Variants in TSNARE1 observed in about 807,000 individuals in gnomAD.
TSNARE1 encodes t-SNARE domain-containing protein 1.
TSNARE1 carries 49 observed loss-of-function variants against 62.0 expected under a neutral mutation model. The observed-to-expected ratio is 0.79, with a 90% confidence interval of 0.63 to 1.00. TSNARE1 has a LOEUF of 1.00. TSNARE1 is among the 50% of genes least tolerant of loss of function. The pLI, the probability that TSNARE1 is intolerant of heterozygous loss-of-function variation, is 0.00. For synonymous variants in TSNARE1, 328 were observed against 294.4 expected, an observed-to-expected ratio of 1.11 and a Z score of -1.17; for missense variants, 755 against 700.1, an observed-to-expected ratio of 1.08 and a Z score of -0.88.
intron 9 of TSNARE1, among the ~76,000 whole-genome samples, chr8:142,301,758 G>A (rs1000043991): frequency 2.0e-5 from 3 of 150,954 alleles, no homozygotes; most frequent in Non-Finnish European, 4.4e-5. Flanking sequence ...GGCCTCACCA[G>A]GAGCACCTGC....
At chr8:142,391,037 G>A (rs1361875684) in intron 1 of TSNARE1, among the ~76,000 whole-genome samples, 24 of 120,348 alleles carry the variant, frequency 2.0e-4, no homozygotes, top group South Asian at 6.0e-4. Context: ...TGTACACTGC[G>A]GGGGACTCTG....
At chr8:142,323,107 G>C (rs761048428) in intron 6 of TSNARE1, among the ~76,000 whole-genome samples, 1 of 152,166 alleles carries the variant, frequency 6.6e-6, no homozygotes, top group South Asian at 2.1e-4. Context: ...GGCTGATGAC[G>C]ATATTGTTAT....
At chr8:142,264,696 G>T (rs1819046738) in intron 12 of TSNARE1, among the ~76,000 whole-genome samples, 1 of 152,184 alleles carries the variant, frequency 6.6e-6, no homozygotes, top group Non-Finnish European at 1.5e-5. Context: ...AGTCCATTTT[G>T]TCTAAAATTA....
intron 10 of TSNARE1, among the ~76,000 whole-genome samples, chr8:142,298,607 C>T (rs1225635075): frequency 1.3e-5 from 2 of 152,210 alleles, no homozygotes; most frequent in African/African-American, 4.8e-5. Context: ...TAACGGCCTC[C>T]TCATGCCCGC....
At chr8:142,219,579 C>G (rs1279239519) in intron 13 of TSNARE1, among the ~76,000 whole-genome samples, 1 of 152,202 alleles carries the variant, frequency 6.6e-6, no homozygotes, top group African/African-American at 2.4e-5. Context: ...GGTCTCCTGA[C>G]CGACACGTGG....
chr8:142,389,823 C>G (rs1010289320), intron 1 of TSNARE1, among the ~76,000 whole-genome samples: 1 of 152,226 alleles, frequency 6.6e-6, no homozygotes, highest in Non-Finnish European at 1.5e-5. Flanking sequence ...GAAGGACAAA[C>G]AGTCATTCTT....
intron 11 of TSNARE1, chr8:142,280,234 G>A (rs1456932078): frequency 2.0e-6 from 2 of 985,272 alleles, no homozygotes; most frequent in Non-Finnish European, 2.4e-6. Flanking sequence ...CCGCAGGGGT[G>A]TGGAGCCCGG....
At chr8:142,315,779 T>C (rs1252466463) in intron 7 of TSNARE1, among the ~76,000 whole-genome samples, 2 of 152,148 alleles carry the variant, frequency 1.3e-5, no homozygotes, top group South Asian at 2.1e-4. Context: ...TATCGGAGGA[T>C]TGGAGAGAGC....
At chr8:142,379,056 C>G (rs1437619742) in intron 1 of TSNARE1, among the ~76,000 whole-genome samples, 3 of 152,216 alleles carry the variant, frequency 2.0e-5, no homozygotes, top group Non-Finnish European at 4.4e-5. Context: ...CTAGCAGCAT[C>G]CCTTTGCAGA....
At chr8:142,213,706 T>A (rs1003393445) in intron 13 of TSNARE1, among the ~76,000 whole-genome samples, 105 of 152,138 alleles carry the variant, frequency 6.9e-4, no homozygotes, top group African/African-American at 2.4e-3. Context: ...CGAAATCCAA[T>A]TACCACAGGA....
chr8:142,335,817 T>C (rs1353814234), intron 4 of TSNARE1, among the ~76,000 whole-genome samples: 2 of 152,158 alleles, frequency 1.3e-5, no homozygotes, highest in African/African-American at 2.4e-5. Context: ...GTAAACTCGG[T>C]TGCTTCCTGC....
At chr8:142,237,359 A>G (rs554521965) in intron 12 of TSNARE1, among the ~76,000 whole-genome samples, 106 of 152,316 alleles carry the variant, frequency 7.0e-4, no homozygotes, top group African/African-American at 2.5e-3. Context: ...GCTGGGGTCA[A>G]TGACTGGCAC....
At chr8:142,253,674 T>A (rs577174172) in intron 12 of TSNARE1, among the ~76,000 whole-genome samples, 2 of 152,344 alleles carry the variant, frequency 1.3e-5, no homozygotes, top group African/African-American at 4.8e-5. Context: ...CCAACTTCCT[T>A]GCAAGGCCTC....
intron 1 of TSNARE1, among the ~76,000 whole-genome samples, chr8:142,391,718 G>C (rs73714182): frequency 0.029 from 4,375 of 152,356 alleles, 196 homozygotes; most frequent in African/African-American, 0.098. Context: ...CCAGCACCTA[G>C]GGCTGCCCGC....
At chr8:142,276,409 G>C in intron 11 of TSNARE1, 1 of 985,484 alleles carries the variant, frequency 1.0e-6, no homozygotes, top group Non-Finnish European at 1.2e-6. Context: ...GCCTGCCAGG[G>C]AGGAGGCGCT....
chr8:142,314,916 G>T, intron 8 of TSNARE1, 87 bp downstream of exon 8: 1 of 1,314,030 alleles, frequency 7.6e-7, no homozygotes, highest in South Asian at 1.2e-5. Context: ...CAGGCCCACA[G>T]GGACAAGACA....
At chr8:142,400,979 C>G (rs771885932) in intron 1 of TSNARE1, among the ~76,000 whole-genome samples, 1 of 152,182 alleles carries the variant, frequency 6.6e-6, no homozygotes, top group Non-Finnish European at 1.5e-5. Context: ...TCACCACCTG[C>G]AGACACTCAC....
At chr8:142,265,282 C>T (rs73366623) in intron 12 of TSNARE1, among the ~76,000 whole-genome samples, 4,141 of 152,312 alleles carry the variant, frequency 0.027, 73 homozygotes, top group South Asian at 0.063. Context: ...CCTTGACAAC[C>T]AGCCACCGCT....
chr8:142,222,752 C>T (rs1021199668), intron 13 of TSNARE1, among the ~76,000 whole-genome samples: 12 of 18,344 alleles, frequency 6.5e-4, no homozygotes, highest in Admixed American at 1.0e-3. Flanking sequence ...ACTCACTCAT[C>T]CACTCACTCA....
Sources: allele counts gnomAD v4.1 joint callset (sites outside exome capture counted in the v4.1 genomes callset), GRCh38; gene constraint gnomAD v4.1.1; transcripts MANE v1.5; gene names NCBI Gene and HGNC (gene_info 2026-07-23, HGNC 2026-07-21).